The following SLC17A9 variants were observed in gnomAD, a reference collection of about 807,000 sequenced individuals.
The protein encoded by SLC17A9 is solute carrier family 17 member 9, also known as voltage-gated purine nucleotide uniporter SLC17A9.
A neutral mutation model predicts 55.0 loss-of-function variants in SLC17A9; 49 were observed. That is an observed-to-expected ratio of 0.89 (90% CI 0.71 to 1.13). The LOEUF (loss-of-function observed/expected upper bound fraction) is 1.13. Ranked by LOEUF, SLC17A9 falls within the 50% of genes most tolerant of loss-of-function variation. The pLI is 0.00. For missense variants in SLC17A9, 526 were observed against 569.3 expected (o/e 0.92, Z 0.77); for synonymous variants, 256 against 247.4 (o/e 1.03, Z -0.32).
At chr20:62,953,322 C>T (rs1601081592) in intron 1 of SLC17A9, 4 of 1,531,348 alleles carry the variant, frequency 2.6e-6, no homozygotes, top group Non-Finnish European at 3.5e-6. Flanking sequence ...GGGGGGGGTC[C>T]TGCCACCACG....
chr20:62,956,814 C>G lies in SLC17A9; in HGVS notation c.109C>G (p.Leu37Val), dbSNP rs1471315395. ...GACGCTGCTGCTGGGCACATGCCTT[C>G]TGTACTGCGCCCGCTCCAGCATGCC... is the stretch of plus-strand genomic sequence containing the variant. ...TGTLLLGTCL[L>V]YCARSSMPIC... is the part of the protein sequence containing the mutation. Residue 37 changes from leucine (L) to valine (V), a missense_variant, in exon 2 of 13, where the codon CTG becomes GTG. By Grantham distance (32) the Leu-to-Val change is conservative (BLOSUM62 1). Coordinates refer to ENST00000370351, the MANE Select transcript of SLC17A9 (RefSeq NM_022082.4). The G allele has an allele frequency of 6.2e-7, 1 of 1,612,928 alleles. No individual in the cohort carries two copies. Among genetic ancestry groups the G allele is most frequent in the Non-Finnish European group, 8.5e-7 (1 of 1,179,938 alleles).
chr20:62,952,868 C>A lies in SLC17A9; in HGVS notation c.38C>A (p.Ala13Asp). Residue 13 changes from alanine to aspartate, a missense_variant, in exon 1 of 13, where the codon GCC (alanine) becomes GAC (aspartate). Coordinates refer to ENST00000370351, the MANE Select transcript of SLC17A9 (RefSeq NM_022082.4). ...CCAGACGAGGCCCGCAGGGACATGG[C>A]CGGGGACACCCAGTGGTCCAGGTGT... is the stretch of plus-strand genomic sequence containing the variant. The part of the protein sequence containing the change: ...PPPDEARRDM[A>D]GDTQWSRPEC... 7.8e-7 allele frequency: 1 copy of A among 1,277,564 alleles called. No individual in the cohort carries two copies. Among genetic ancestry groups the A allele is most frequent in the Admixed American group, 2.5e-5 (1 of 40,322 alleles). 79.1% of individuals were successfully genotyped at this position (1,277,564 alleles called of 1,614,324 possible). A position where few individuals can be genotyped will look rare whatever the true frequency, so the allele number is the denominator to read the frequency against.
Position 62,966,573 on chromosome 20 carries a change from T to C in SLC17A9, c.1110T>C (p.Phe370=). 8 of 1,591,354 alleles carry C rather than the reference T, an allele frequency of 5.0e-6. No individual in the cohort carries two copies. Among genetic ancestry groups the C allele is most frequent in the Non-Finnish European group, 6.8e-6 (8 of 1,170,480 alleles). ...IQDLAPSCAG[F]LFGVANTAGA... is the part of the protein sequence containing the mutation. Reference sequence around the variant, plus strand: ...ACTTGGCCCCGTCCTGCGCCGGCTTTCTGTTTGGTGAGGACCTTGCCTTAC... The same window carrying C: ...ACTTGGCCCCGTCCTGCGCCGGCTTCCTGTTTGGTGAGGACCTTGCCTTAC... The change falls in exon 11 of 13, where the codon TTT becomes TTC. Residue 370 remains phenylalanine, a synonymous_variant. Transcript: ENST00000370351.
chr20:62,955,307 C>A (rs1035303737), intron 1 of SLC17A9, among the ~76,000 whole-genome samples: 1 of 151,832 alleles, frequency 6.6e-6, no homozygotes, highest in East Asian at 1.9e-4. Flanking sequence ...GCCACTACGC[C>A]TGGCTAATTT....
At chr20:62,963,021 C>T (rs774615735) in intron 5 of SLC17A9, 99 of 639,244 alleles carry the variant, frequency 1.5e-4, no homozygotes, top group Non-Finnish European at 2.3e-4. Flanking sequence ...CAGGAGCAGC[C>T]GAGTCTTTGG....
chr20:62,966,614 C>G, intron 11 of SLC17A9, 34 bp downstream of exon 11: 1 of 1,613,862 alleles, frequency 6.2e-7, no homozygotes, highest in Non-Finnish European at 8.5e-7. Flanking sequence ...CTTTGCCCCT[C>G]CCTGGGCCTC....
At chr20:62,960,709 A>G (rs1206862234) in intron 4 of SLC17A9, 106 bp downstream of exon 4, 1 of 1,125,296 alleles carries the variant, frequency 8.9e-7, no homozygotes, top group African/African-American at 1.5e-5. Context: ...TTGCAGGGCC[A>G]CCATGGTGAG....
chr20:62,967,543 C>G lies in SLC17A9; in HGVS notation c.*43C>G. 2 of 1,596,246 alleles carry G rather than the reference C, an allele frequency of 1.3e-6. No homozygotes were observed. Among genetic ancestry groups the G allele is most frequent in the Non-Finnish European group, 1.7e-6 (2 of 1,170,162 alleles). On this transcript the variant is annotated 3_prime_UTR_variant, in exon 13 of 13. Coordinates refer to ENST00000370351, the MANE Select transcript of SLC17A9 (RefSeq NM_022082.4). ...TCTCCAAGGACCCAGGCGCCAGCAGCCCCAGGACACAGGGGACTCAGTGTG... is the reference window on the plus strand; with the variant it reads ...TCTCCAAGGACCCAGGCGCCAGCAGGCCCAGGACACAGGGGACTCAGTGTG...
In SLC17A9 at chr20:62,953,167, C is replaced by T. The variant is rs574079278; in HGVS notation, c.59+278C>T. 8.4e-6 allele frequency: 13 copies of T among 1,541,388 alleles called. No homozygotes were observed. In the African/African-American group the frequency reaches 1.6e-4, roughly 19 times the overall value. Reference sequence around the variant, plus strand: ...CCAGGCAGGGCTATGTTCCCCAGGCCAGGGGCATTGTCCTGGACAGTCAGG... The same window carrying T: ...CCAGGCAGGGCTATGTTCCCCAGGCTAGGGGCATTGTCCTGGACAGTCAGG... On this transcript the variant is annotated intron_variant, in intron 1 of 12. Coordinates refer to ENST00000370351, the MANE Select transcript of SLC17A9 (RefSeq NM_022082.4).
chr20:62,964,956 G>T, intron 8 of SLC17A9, 176 bp from the exon 9 acceptor site: 1 of 663,392 alleles, frequency 1.5e-6, no homozygotes, highest in Non-Finnish European at 2.6e-6. Context: ...CGGCCTCGCG[G>T]CTGCACCCCA....
Position 62,958,142 on chromosome 20 carries a change from C to T in SLC17A9, c.397+562C>T, listed in dbSNP as rs571739772. Among the ~76,000 whole-genome samples the T allele has an allele frequency of 1.9e-4, 29 of 152,224 alleles. No individual in the cohort carries two copies. The highest frequency in any genetic ancestry group is 6.3e-4 in the African/African-American group (26 of 41,548). ...GCGTGCCCATATGCGTGTGTACGTG[C>T]GTGAGTGTGCCCGTATGAGGGTGTA... On this transcript the variant is annotated intron_variant, in intron 3 of 12. Coordinates refer to ENST00000370351, the MANE Select transcript of SLC17A9 (RefSeq NM_022082.4). This position sits in a 1 kb window ranked among gnomAD's most constrained non-coding sequence, Gnocchi z 4.1.
At position 62,967,701 on chromosome 20, in the gene SLC17A9, G is replaced by A. The variant is rs912319564; in HGVS notation, c.*201G>A. The A allele has an allele frequency of 8.9e-6, 5 of 563,696 alleles. No homozygotes were observed. In the East Asian group the frequency reaches 9.3e-5, roughly 10 times the overall value. The allele number at this position is 563,696 out of a possible 1,614,324, so 34.9% of individuals were successfully genotyped here. ...GTGGGCCTGGGTCCAGACCAGGCTC[G>A]CTGCTCTCTGGGCCTCAGTTTCCCC... On this transcript the variant is annotated 3_prime_UTR_variant, in exon 13 of 13. Coordinates refer to ENST00000370351, the MANE Select transcript of SLC17A9 (RefSeq NM_022082.4).
At chr20:62,953,276 G>C in intron 1 of SLC17A9, 1 of 1,549,654 alleles carries the variant, frequency 6.5e-7, no homozygotes, top group Non-Finnish European at 8.7e-7. Context: ...AGGCCAGGTA[G>C]GGGGCACGGG....
At chr20:62,966,296 C>T (rs1472560364) in intron 10 of SLC17A9, among the ~76,000 whole-genome samples, 4 of 123,684 alleles carry the variant, frequency 3.2e-5, no homozygotes, top group Non-Finnish European at 5.0e-5. Context: ...GGTTGGGGCT[C>T]GGGTTGGCGT....
At chr20:62,955,748 T>C (rs2147644456) in intron 1 of SLC17A9, among the ~76,000 whole-genome samples, 1 of 152,260 alleles carries the variant, frequency 6.6e-6, no homozygotes, top group Non-Finnish European at 1.5e-5. Context: ...TGGGGCTAGG[T>C]AAACAACAGG....
chr20:62,957,237 AG>A (rs1367875382), intron 2 of SLC17A9: 12 of 985,264 alleles, frequency 1.2e-5, no homozygotes, highest in Non-Finnish European at 1.4e-5. Context: ...GCAAGGCCCC[AG>A]GGCCCTGCAG....
intron 1 of SLC17A9, 42 bp from the exon 2 acceptor site, chr20:62,956,723 C>A: frequency 1.3e-6 from 2 of 1,572,320 alleles, no homozygotes; most frequent in Non-Finnish European, 1.7e-6. Flanking sequence ...AGCAGCAGGG[C>A]CGTGGGGCCT....
chr20:62,962,855 C>G lies in SLC17A9; in HGVS notation c.628+101C>G. 2.6e-6 allele frequency: 4 copies of G among 1,509,672 alleles called. No homozygotes were observed. The highest frequency in any genetic ancestry group is 3.6e-6 in the Non-Finnish European group (4 of 1,121,702). 93.5% of individuals were successfully genotyped at this position (1,509,672 alleles called of 1,614,324 possible). A position where few individuals can be genotyped will look rare whatever the true frequency, so the allele number is the denominator to read the frequency against. On this transcript the variant is annotated intron_variant, in intron 5 of 12. Transcript: ENST00000370351. The surrounding 1 kb of genome is among the most constrained non-coding windows in gnomAD (Gnocchi z 5.5). ...GCAGCCTGGAGCAGGAGCCCGGAGA[C>G]GATGGCTTTGACCTCCCAAAGAATC...
intron 10 of SLC17A9, 87 bp from the exon 11 acceptor site, chr20:62,966,438 C>A: frequency 6.8e-7 from 1 of 1,480,184 alleles, no homozygotes. Context: ...TCCACGAGAC[C>A]TTGCTTCCCC....
Sources: allele counts gnomAD v4.1 joint callset (sites outside exome capture counted in the v4.1 genomes callset), GRCh38; gene constraint gnomAD v4.1.1; non-coding constraint Gnocchi (gnomAD v3.1); transcripts MANE v1.5; gene names NCBI Gene and HGNC (gene_info 2026-07-23, HGNC 2026-07-21).